Variants in FGF14 observed in about 807,000 individuals in gnomAD.
FGF14 encodes fibroblast growth factor homologous factor 4.
Under a neutral mutation model 25.5 loss-of-function variants are expected in FGF14, and 5 were observed. That is an observed-to-expected ratio of 0.20 (90% CI 0.10 to 0.41). The LOEUF (loss-of-function observed/expected upper bound fraction) is 0.41. Ranked by LOEUF, FGF14 falls within the 10% of genes least tolerant of loss-of-function variation. The probability of loss-of-function intolerance (pLI) is 1.00; values close to 1 mark genes in which losing one functional copy is unlikely to be tolerated. For missense variants in FGF14, 222 were observed against 320.1 expected, an observed-to-expected ratio of 0.69 and a Z score of 2.34; for synonymous variants, 138 against 118.3, an observed-to-expected ratio of 1.17 and a Z score of -1.08.
At chr13:102,165,703 T>C (rs1203477138) in intron 1 of FGF14, among the ~76,000 whole-genome samples, 10 of 144,554 alleles carry the variant, frequency 6.9e-5, no homozygotes, top group African/African-American at 2.5e-4. Context: ...TTAGGAGATA[T>C]ACCTAATGCT....
intron 1 of FGF14, among the ~76,000 whole-genome samples, chr13:101,887,707 T>C (rs2046068539): frequency 6.6e-6 from 1 of 152,164 alleles, no homozygotes; most frequent in Admixed American, 6.5e-5. Context: ...TAATTTATTG[T>C]ACATTTCAAA....
intron 3 of FGF14, among the ~76,000 whole-genome samples, chr13:101,862,198 T>C (rs1454881298): frequency 6.6e-6 from 1 of 152,098 alleles, no homozygotes; most frequent in African/African-American, 2.4e-5. Context: ...AAACAAGGTC[T>C]CCCTTTCTCT....
chr13:102,167,600 C>T (rs2048070672), intron 1 of FGF14, among the ~76,000 whole-genome samples: 1 of 152,050 alleles, frequency 6.6e-6, no homozygotes, highest in African/African-American at 2.4e-5. Context: ...GTGAATCATT[C>T]CACCTAGATT....
chr13:102,253,725 T>C (rs943734243), intron 1 of FGF14, among the ~76,000 whole-genome samples: 1 of 152,186 alleles, frequency 6.6e-6, no homozygotes, highest in Non-Finnish European at 1.5e-5. Flanking sequence ...TTATGGGTTT[T>C]TTTCCCCCAC....
In FGF14 at chr13:101,717,953, A is replaced by T. The variant is rs2034789045; in HGVS notation, c.*4878T>A. On this transcript the variant is annotated 3_prime_UTR_variant, in exon 5 of 5. Coordinates refer to ENST00000376143, the MANE Select transcript of FGF14 (RefSeq NM_004115.4). ...CTTTTTCATAGTCTCATGTAAGAAG[A>T]GTGTCAAAAATGTCCTCGGCATTTG... is the stretch of plus-strand genomic sequence containing the variant. 1 of 152,174 alleles carries T rather than the reference A, an allele frequency of 6.6e-6. No homozygotes were observed. The highest frequency in any genetic ancestry group is 6.6e-5 in the Admixed American group (1 of 15,266). The allele number at this position is 152,174 out of a possible 1,614,324, so 9.4% of individuals were successfully genotyped here.
At position 101,715,765 on chromosome 13, in the gene FGF14, A is replaced by T. The variant is rs2034694089; in HGVS notation, c.*7066T>A. 2 of 615,428 alleles carry T rather than the reference A, an allele frequency of 3.2e-6. No homozygotes were observed. The highest frequency in any genetic ancestry group is 2.7e-5 in the East Asian group (1 of 36,630). 38.1% of individuals were successfully genotyped at this position (615,428 alleles called of 1,614,324 possible). A position where few individuals can be genotyped will look rare whatever the true frequency, so the allele number is the denominator to read the frequency against. The stretch of plus-strand genomic sequence containing the variant: ...TAGGACAGGTTAAAAAGACCATTGT[A>T]TGTTTTTCTATTTCTGAATTACGAA... On this transcript the variant is annotated 3_prime_UTR_variant, in exon 5 of 5. Coordinates refer to ENST00000376143, the MANE Select transcript of FGF14 (RefSeq NM_004115.4).
intron 1 of FGF14, among the ~76,000 whole-genome samples, chr13:101,912,496 A>G (rs920128280): frequency 3.9e-5 from 6 of 152,206 alleles, no homozygotes; most frequent in African/African-American, 1.4e-4. Context: ...ATTATACACC[A>G]TTGTAGTCAG....
intron 1 of FGF14, chr13:102,395,705 C>A (rs2058564688): frequency 6.6e-6 from 1 of 152,140 alleles, no homozygotes; most frequent in South Asian, 2.1e-4. Context: ...TGAAAACCTA[C>A]CATGTGTCGT....
chr13:101,954,110 G>A (rs540594461), intron 1 of FGF14, among the ~76,000 whole-genome samples: 11 of 152,210 alleles, frequency 7.2e-5, no homozygotes, highest in Admixed American at 2.6e-4. Context: ...AAGCAAGGTC[G>A]GATTAGGTTT....
chr13:102,161,570 A>AAGAAGAAGAAGAAGAAGAAGAAG, intron 1 of FGF14, among the ~76,000 whole-genome samples: 2 of 5,656 alleles, frequency 3.5e-4, no homozygotes, highest in African/African-American at 3.0e-3. Context: ...TTCTGTGAAG[A>AAGAAGAAGAAGAAGAAGAAGAAG]AAGAAAGAAG....
At chr13:101,911,556 C>T (rs1334161038) in intron 1 of FGF14, among the ~76,000 whole-genome samples, 1 of 152,036 alleles carries the variant, frequency 6.6e-6, no homozygotes, top group African/African-American at 2.4e-5. Context: ...GAAATCATAA[C>T]AATTAAGCCA....
intron 1 of FGF14, among the ~76,000 whole-genome samples, chr13:102,006,705 T>TATGAGTC (rs2039807004): frequency 7.0e-6 from 1 of 142,498 alleles, no homozygotes; most frequent in Non-Finnish European, 1.5e-5. Flanking sequence ...AGGACTGAAA[T>TATGAGTC]ATGAGTCACA....
chr13:102,336,002 T>A (rs1021690226), intron 1 of FGF14, among the ~76,000 whole-genome samples: 3 of 152,076 alleles, frequency 2.0e-5, no homozygotes, highest in Non-Finnish European at 2.9e-5. Flanking sequence ...TCTTTCCCTC[T>A]CCCCAGCCCT....
At chr13:102,005,765 C>T (rs4144121) in intron 1 of FGF14, among the ~76,000 whole-genome samples, 65,261 of 152,026 alleles carry the variant, frequency 0.43, 15,002 homozygotes, top group East Asian at 0.7. Context: ...TCCTGAAATA[C>T]TATTCCTGAT....
intron 1 of FGF14, among the ~76,000 whole-genome samples, chr13:102,303,532 C>A (rs1469608091): frequency 6.6e-6 from 1 of 152,156 alleles, no homozygotes; most frequent in Non-Finnish European, 1.5e-5. Context: ...ATAATCAAAT[C>A]TAACATTTAT....
upstream of FGF14, among the ~76,000 whole-genome samples, chr13:101,917,489 T>C (rs753754380): frequency 6.6e-6 from 1 of 152,124 alleles, no homozygotes; most frequent in Non-Finnish European, 1.5e-5. Context: ...TGCAACTCGC[T>C]GGTTCCCGAG....
intron 1 of FGF14, among the ~76,000 whole-genome samples, chr13:101,914,114 G>T (rs907426325): frequency 6.6e-6 from 1 of 151,766 alleles, no homozygotes; most frequent in South Asian, 2.1e-4. Flanking sequence ...AAAATTTTCT[G>T]AGGGCAATTC....
chr13:102,371,130 T>C (rs2057870002), intron 1 of FGF14, among the ~76,000 whole-genome samples: 1 of 152,164 alleles, frequency 6.6e-6, no homozygotes, highest in African/African-American at 2.4e-5. Context: ...AAACAAACAA[T>C]TAGGTCTTAC....
At chr13:101,972,964 G>T (rs1650133165) in intron 1 of FGF14, among the ~76,000 whole-genome samples, 1 of 152,088 alleles carries the variant, frequency 6.6e-6, no homozygotes, top group African/African-American at 2.4e-5. Flanking sequence ...ACAAACAGGA[G>T]GTCTGAGATT....
Sources: gnomAD v4.1 joint callset for allele counts (sites outside exome capture counted in the v4.1 genomes callset) on GRCh38, gnomAD v4.1.1 for gene constraint, MANE v1.5 for transcripts, NCBI Gene and HGNC (gene_info 2026-07-23, HGNC 2026-07-21) for gene names.